VWC2L: variants seen among roughly 807,000 people sequenced by gnomAD.
The protein encoded by VWC2L is von Willebrand factor C domain-containing protein 2-like.
VWC2L carries 10 observed loss-of-function variants against 21.6 expected under a neutral mutation model. The ratio of observed to expected loss-of-function variants is 0.46; its 90% CI spans 0.29 to 0.78. VWC2L has a LOEUF of 0.78. VWC2L is among the 30% of genes least tolerant of loss of function. The pLI is 0.10. For missense variants in VWC2L, 209 were observed against 277.1 expected, an observed-to-expected ratio of 0.75 and a Z score of 1.74; for synonymous variants, 96 against 94.3, an observed-to-expected ratio of 1.02 and a Z score of -0.10.
At chr2:214,503,419 T>C (rs1688923597) in intron 3 of VWC2L, among the ~76,000 whole-genome samples, 1 of 152,112 alleles carries the variant, frequency 6.6e-6, no homozygotes, top group South Asian at 2.1e-4. Flanking sequence ...TATATTCATC[T>C]TGATACCAAG....
At chr2:214,466,765 T>C (rs893682953) in intron 3 of VWC2L, among the ~76,000 whole-genome samples, 9 of 152,208 alleles carry the variant, frequency 5.9e-5, no homozygotes, top group African/African-American at 1.9e-4. Context: ...CCTCTAGAAG[T>C]TGGATTTGGT....
chr2:214,433,265 A>G (rs1221332202), intron 2 of VWC2L, among the ~76,000 whole-genome samples: 1 of 150,816 alleles, frequency 6.6e-6, no homozygotes, highest in Admixed American at 6.6e-5. Flanking sequence ...GTAGTGAGTG[A>G]ATGTTACTTT....
intron 3 of VWC2L, among the ~76,000 whole-genome samples, chr2:214,541,169 CAT>C (rs1323124634): frequency 6.6e-6 from 1 of 152,132 alleles, no homozygotes; most frequent in Non-Finnish European, 1.5e-5. Flanking sequence ...GGATGAAGAG[CAT>C]TATGTCCTCT....
rs73987454 is a variant in VWC2L, at chr2:214,577,418, A to G, written c.*1598A>G. The G allele has an allele frequency of 0.02, 2,996 of 152,376 alleles. 50 individuals are homozygous for G. Among genetic ancestry groups the G allele is most frequent in the African/African-American group, 0.046 (1,929 of 41,550 alleles). 9.4% of individuals were successfully genotyped at this position (152,376 alleles called of 1,614,324 possible). A position where few individuals can be genotyped will look rare whatever the true frequency, so the allele number is the denominator to read the frequency against. On this transcript the variant is annotated 3_prime_UTR_variant, in exon 4 of 4. Coordinates refer to ENST00000312504, the MANE Select transcript of VWC2L (RefSeq NM_001080500.4). ...GGCCTCTATCCACTAGCAACATCCC[A>G]GCAACTGGTGACAACCAAATTTCTC...
chr2:214,497,823 C>A (rs759386100), intron 3 of VWC2L, among the ~76,000 whole-genome samples: 37 of 152,284 alleles, frequency 2.4e-4, no homozygotes, highest in Non-Finnish European at 4.4e-4. Context: ...AGTTTGAGAA[C>A]CGCTGCTCTC....
At chr2:214,563,575 A>AAAAAAAAAAAAAAAAAAAC (rs1690012534) in intron 3 of VWC2L, among the ~76,000 whole-genome samples, 1 of 140,794 alleles carries the variant, frequency 7.1e-6, no homozygotes, top group Non-Finnish European at 1.5e-5. Context: ...AAAAAAAAAA[A>AAAAAAAAAAAAAAAAAAAC]AAAAAATCAA....
intron 3 of VWC2L, among the ~76,000 whole-genome samples, chr2:214,518,587 G>A (rs767110588): frequency 1.3e-5 from 2 of 152,138 alleles, no homozygotes; most frequent in Non-Finnish European, 2.9e-5. Flanking sequence ...TCTCTAGTCT[G>A]CATATTTGTT....
At chr2:214,476,797 T>G (rs1688532352) in intron 3 of VWC2L, among the ~76,000 whole-genome samples, 1 of 152,180 alleles carries the variant, frequency 6.6e-6, no homozygotes, top group Admixed American at 6.5e-5. Flanking sequence ...CTCTCTCCCT[T>G]TTAAGATATT....
At chr2:214,501,524 C>A (rs1354665889) in intron 3 of VWC2L, among the ~76,000 whole-genome samples, 1 of 152,028 alleles carries the variant, frequency 6.6e-6, no homozygotes, top group Admixed American at 6.6e-5. Flanking sequence ...GAGCTCGAGA[C>A]CAGCCTGGCC....
intron 3 of VWC2L, among the ~76,000 whole-genome samples, chr2:214,448,536 T>C (rs1010566757): frequency 3.9e-5 from 6 of 152,180 alleles, no homozygotes; most frequent in African/African-American, 1.4e-4. Context: ...AGCCAGATGA[T>C]CTAGAAAAGA....
intron 3 of VWC2L, among the ~76,000 whole-genome samples, chr2:214,499,911 A>G (rs559388533): frequency 6.6e-6 from 1 of 152,362 alleles, no homozygotes; most frequent in East Asian, 1.9e-4. Context: ...AAAAATGTCA[A>G]AAGTAGGGAG....
At chr2:214,484,153 G>A (rs1451968639) in intron 3 of VWC2L, among the ~76,000 whole-genome samples, 1 of 152,096 alleles carries the variant, frequency 6.6e-6, no homozygotes, top group Non-Finnish European at 1.5e-5. Context: ...AAGGACACCA[G>A]TTACTGGATT....
chr2:214,499,921 G>C (rs958202191), intron 3 of VWC2L, among the ~76,000 whole-genome samples: 13 of 152,226 alleles, frequency 8.5e-5, no homozygotes, highest in Non-Finnish European at 1.8e-4. Context: ...AAAGTAGGGA[G>C]AGTGAGTTTA....
chr2:214,474,381 A>G (rs1397001429), intron 3 of VWC2L, among the ~76,000 whole-genome samples: 1 of 152,074 alleles, frequency 6.6e-6, no homozygotes, highest in Non-Finnish European at 1.5e-5. Flanking sequence ...CAGTTTTCTC[A>G]TTTGCCAAGT....
At chr2:214,518,384 T>C (rs941999473) in intron 3 of VWC2L, among the ~76,000 whole-genome samples, 4 of 152,220 alleles carry the variant, frequency 2.6e-5, no homozygotes, top group African/African-American at 9.7e-5. Flanking sequence ...AGAATAGCAC[T>C]TGACACATAA....
Position 214,428,425 on chromosome 2 carries a change from T to G in VWC2L, c.391-8204T>G, listed in dbSNP as rs997767738. On this transcript the variant is annotated intron_variant, in intron 2 of 3. Transcript: ENST00000312504. Reference sequence around the variant, plus strand: ...TTCCACTGGGTGATAGCACTAACAATTTTTATACATGGTTACAAAATTATC... The same window carrying G: ...TTCCACTGGGTGATAGCACTAACAAGTTTTATACATGGTTACAAAATTATC... 7.9e-5 allele frequency among the ~76,000 whole-genome samples: 12 copies of G among 152,280 alleles called. No homozygotes were observed. The East Asian group carries it at 1.4e-3, about 17-fold the overall frequency.
At chr2:214,457,670 AGT>A (rs1703077068) in intron 3 of VWC2L, among the ~76,000 whole-genome samples, 1 of 152,082 alleles carries the variant, frequency 6.6e-6, no homozygotes, top group African/African-American at 2.4e-5. Context: ...TTCCAAGCCC[AGT>A]GTTTTTATCA....
intron 3 of VWC2L, among the ~76,000 whole-genome samples, chr2:214,502,864 A>T (rs1485245521): frequency 6.6e-6 from 1 of 152,172 alleles, no homozygotes; most frequent in Non-Finnish European, 1.5e-5. Flanking sequence ...TTCCAGTAAA[A>T]AGCTTCCCCA....
At chr2:214,497,857 A>G (rs1020686623) in intron 3 of VWC2L, among the ~76,000 whole-genome samples, 1 of 152,240 alleles carries the variant, frequency 6.6e-6, no homozygotes. Flanking sequence ...TTCAACAATG[A>G]TAGTAAGTTC....
Sources: gnomAD v4.1 joint callset for allele counts (sites outside exome capture counted in the v4.1 genomes callset) on GRCh38, gnomAD v4.1.1 for gene constraint, MANE v1.5 for transcripts, NCBI Gene and HGNC (gene_info 2026-07-23, HGNC 2026-07-21) for gene names.